VWDE: variants seen among roughly 807,000 people sequenced by gnomAD.
VWDE encodes von Willebrand factor D and EGF domain-containing protein.
A neutral mutation model predicts 178.4 loss-of-function variants in VWDE; 207 were observed. The observed-to-expected ratio is 1.16, with a 90% confidence interval of 1.04 to 1.30. The LOEUF is 1.30. VWDE is among the 50% of genes most tolerant of loss of function. The pLI is 0.00. For missense variants in VWDE, 2,287 were observed against 1,901.3 expected (o/e 1.20, Z -3.77); for synonymous variants, 738 against 651.4 (o/e 1.13, Z -2.02).
In VWDE at chr7:12,389,185, C is replaced by T. The variant is rs1482725518; in HGVS notation, c.417G>A (p.Gly139=). Residue 139 remains glycine, a synonymous_variant, in exon 3 of 29, where the codon GGG becomes GGA. Coordinates refer to ENST00000275358, the MANE Select transcript of VWDE (RefSeq NM_001135924.3). ...FQIPVSVRNC[G]NFSVYLLQPT... ...GTTGTAGTAAGTATACAGAAAAGTT[C>T]CCACAGTTTCTTACAGACACTGGGA... The T allele has an allele frequency of 2.6e-6, 4 of 1,551,782 alleles. No individual in the cohort carries two copies. Among genetic ancestry groups the T allele is most frequent in the South Asian group, 2.4e-5 (2 of 84,058 alleles).
rs377135281 is a variant in VWDE, at chr7:12,362,817, A to T, written c.2899-1296T>A. ...GAGTATGGAGAGTCTAGCCTAGCAG[A>T]TCTACCAGTGGTTTCCCTCTTGTAG... On this transcript the variant is annotated intron_variant, in intron 13 of 28. Coordinates refer to ENST00000275358, the MANE Select transcript of VWDE (RefSeq NM_001135924.3). Among the ~76,000 whole-genome samples, 11 of 152,226 alleles carry T rather than the reference A, an allele frequency of 7.2e-5. No individual in the cohort carries two copies. In the South Asian group the frequency reaches 2.3e-3, roughly 32 times the overall value.
intron 18 of VWDE, 146 bp downstream of exon 18, chr7:12,355,965 A>T (rs1562479283): frequency 1.4e-6 from 1 of 740,266 alleles, no homozygotes; most frequent in Non-Finnish European, 2.2e-6. Context: ...AGGGATATGG[A>T]TAGTAATTAT....
In VWDE at chr7:12,351,675, C is replaced by A; in HGVS notation, c.3784G>T (p.Val1262Leu). ...CTTTTATCAGATCTTGTGAGAACCA[C>A]AGTTTGTGTAGTAAATTGATTTACA... ...QFVNQFTTQT[V>L]VLTRSDKSVN... The change falls in exon 19 of 29, where the codon GTG becomes TTG. Residue 1262 changes from valine to leucine, a missense_variant. Transcript: ENST00000275358. 1 of 1,548,860 alleles carries A rather than the reference C, an allele frequency of 6.5e-7. No homozygotes were observed. The highest frequency in any genetic ancestry group is 8.7e-7 in the Non-Finnish European group (1 of 1,145,938).
rs79010615 is a variant in VWDE at position 12,337,328 on chromosome 7, G to A, written c.4367-56C>T. On this transcript the variant is annotated intron_variant, in intron 24 of 28. Coordinates refer to ENST00000275358, the MANE Select transcript of VWDE (RefSeq NM_001135924.3). ...TATTACACATCCCATTACTACATAT[G>A]ATACATTGCATCATGTGCTTGTCAT... 3.7e-3 allele frequency: 5,065 copies of A among 1,369,300 alleles called. 145 individuals carry two copies. In the African/African-American group the frequency reaches 0.065, roughly 17 times the overall value. The allele number at this position is 1,369,300 out of a possible 1,614,324, so 84.8% of individuals were successfully genotyped here.
At chr7:12,393,423 A>G (rs1182749758) in intron 2 of VWDE, among the ~76,000 whole-genome samples, 171 bp downstream of exon 2, 4 of 152,226 alleles carry the variant, frequency 2.6e-5, no homozygotes, top group Non-Finnish European at 5.9e-5. Context: ...TAACACTAAC[A>G]ATTACTATTA....
At chr7:12,373,377 A>G in intron 9 of VWDE, 130 bp from the exon 10 acceptor site, 1 of 899,172 alleles carries the variant, frequency 1.1e-6, no homozygotes, top group Non-Finnish European at 1.7e-6. Flanking sequence ...AAGTAGTCAT[A>G]AACACCTCAA....
chr7:12,357,881 CTG>C (rs1214344649), intron 16 of VWDE, among the ~76,000 whole-genome samples: 2 of 152,110 alleles, frequency 1.3e-5, no homozygotes, highest in Non-Finnish European at 2.9e-5. Flanking sequence ...CCTTTGCACT[CTG>C]TTTCTTTAAG....
intron 27 of VWDE, 47 bp downstream of exon 27, chr7:12,336,094 G>C: frequency 6.8e-7 from 1 of 1,463,190 alleles, no homozygotes; most frequent in Non-Finnish European, 9.3e-7. Context: ...TATTATAACA[G>C]ATTCCAATTC....
intron 8 of VWDE, 104 bp downstream of exon 8, chr7:12,374,906 T>C (rs1228370164): frequency 2.1e-5 from 26 of 1,264,420 alleles, no homozygotes; most frequent in Non-Finnish European, 2.7e-5. Flanking sequence ...TAAAAACTAA[T>C]TTACCAAAAA....
At chr7:12,347,158 T>C (rs1297663650) in intron 19 of VWDE, among the ~76,000 whole-genome samples, 1 of 152,140 alleles carries the variant, frequency 6.6e-6, no homozygotes, top group African/African-American at 2.4e-5. Flanking sequence ...TTAGATGATC[T>C]GGGCCAAGTC....
intron 17 of VWDE, among the ~76,000 whole-genome samples, chr7:12,356,781 G>T (rs1180116774): frequency 2.0e-5 from 3 of 152,138 alleles, no homozygotes; most frequent in African/African-American, 7.2e-5. Context: ...ATGAGCAAAG[G>T]ACATATAAAG....
chr7:12,354,145 T>C, intron 18 of VWDE: 2 of 226,244 alleles, frequency 8.8e-6, no homozygotes, highest in Non-Finnish European at 1.8e-5. Context: ...CTGTAATTAC[T>C]AGTCATATTC....
intron 2 of VWDE, among the ~76,000 whole-genome samples, chr7:12,393,077 C>G (rs1411522377): frequency 6.6e-6 from 1 of 152,058 alleles, no homozygotes; most frequent in East Asian, 1.9e-4. Flanking sequence ...AGGCTGAGTT[C>G]TTATTAGTCT....
chr7:12,366,051 T>G (rs1583310294), intron 13 of VWDE, among the ~76,000 whole-genome samples: 1 of 152,012 alleles, frequency 6.6e-6, no homozygotes, highest in Non-Finnish European at 1.5e-5. Flanking sequence ...AGTGGCAGCG[T>G]CCCTCTTAAC....
Position 12,370,163 on chromosome 7 carries a change from G to C in VWDE, c.2143C>G (p.Pro715Ala). ...AGTGAATCTTCTTTCTCATTTCCAG[G>C]ATGTTTTTGTACATTTAAGCCGAGT... ...TKLGLNVQKHPGNEKEDSLQY... is the reference protein window; with the variant it reads ...TKLGLNVQKHAGNEKEDSLQY... The change falls in exon 12 of 29, where the codon CCT becomes GCT. Residue 715 changes from proline to alanine, a missense_variant. By Grantham distance (27) the Pro-to-Ala change is conservative. Transcript: ENST00000275358. 1.3e-6 allele frequency: 2 copies of C among 1,551,386 alleles called. No individual in the cohort carries two copies. Among genetic ancestry groups the C allele is most frequent in the Non-Finnish European group, 1.7e-6 (2 of 1,146,866 alleles).
intron 2 of VWDE, among the ~76,000 whole-genome samples, chr7:12,393,110 G>GT (rs1784462269): frequency 6.6e-6 from 1 of 152,110 alleles, no homozygotes; most frequent in South Asian, 2.1e-4. Flanking sequence ...TGCTGAGCCC[G>GT]TAAGTTTTAC....
chr7:12,332,118 T>A (rs1780756771), intron 28 of VWDE, among the ~76,000 whole-genome samples: 1 of 151,940 alleles, frequency 6.6e-6, no homozygotes, highest in Non-Finnish European at 1.5e-5. Context: ...GTGATTGCTT[T>A]TTTCCCCACT....
intron 3 of VWDE, among the ~76,000 whole-genome samples, chr7:12,388,106 A>C (rs1165604029): frequency 6.6e-6 from 1 of 152,026 alleles, no homozygotes; most frequent in Admixed American, 6.6e-5. Flanking sequence ...CTAATCTGTG[A>C]CTGTTTTTTA....
chr7:12,373,477 G>A (rs1783332758), intron 9 of VWDE, among the ~76,000 whole-genome samples: 1 of 151,966 alleles, frequency 6.6e-6, no homozygotes, highest in South Asian at 2.1e-4. Flanking sequence ...TCTTCTCCCC[G>A]TATGTGTATG....
Sources: gnomAD v4.1 joint callset for allele counts (sites outside exome capture counted in the v4.1 genomes callset) on GRCh38, gnomAD v4.1.1 for gene constraint, MANE v1.5 for transcripts, NCBI Gene and HGNC (gene_info 2026-07-23, HGNC 2026-07-21) for gene names.